MSH4: variants seen among roughly 807,000 people sequenced by gnomAD.
MSH4 encodes mutS homolog 4.
In MSH4, 106 loss-of-function variants were observed where a neutral mutation model predicts 113.7. That is an observed-to-expected ratio of 0.93 (90% confidence interval 0.80 to 1.10). The LOEUF is 1.10. MSH4 is among the 50% of genes least tolerant of loss of function. MSH4 has a pLI of 0.00. For synonymous variants in MSH4, 368 were observed against 380.2 expected (o/e 0.97, Z 0.37); for missense variants, 1,061 against 1,093.7 (o/e 0.97, Z 0.42).
rs557609352 is a variant in MSH4, at chr1:75,807,009, C to T, written c.456C>T (p.His152=). Residue 152 remains histidine, a synonymous_variant, in exon 3 of 20, where the codon CAC becomes CAT. Transcript: ENST00000263187. ...SASSSSAISA[H]SPSVIVAVVE... ...CATCCTCATCTGCGATTTCTGCACACTCCCCATCAGTTATTGTAGCTGTTG... is the reference window on the plus strand; with the variant it reads ...CATCCTCATCTGCGATTTCTGCACATTCCCCATCAGTTATTGTAGCTGTTG... 50 of 1,584,156 alleles carry T rather than the reference C, an allele frequency of 3.2e-5. No homozygotes were observed. The South Asian group carries it at 5.6e-4, about 18-fold the overall frequency.
intron 8 of MSH4, among the ~76,000 whole-genome samples, chr1:75,860,850 A>G (rs972574039): frequency 1.3e-5 from 2 of 152,160 alleles, no homozygotes; most frequent in African/African-American, 4.8e-5. Context: ...AATATCCTGA[A>G]GAGTGTTTTC....
rs537481024 is a variant in MSH4 at position 75,859,919 on chromosome 1, A to G, written c.1231-7595A>G. ...CTAAGTCTCTTTGTAGATCTCTAAGAACTTGCTTTATGAATCTGGGTGCTC... is the reference window on the plus strand; with the variant it reads ...CTAAGTCTCTTTGTAGATCTCTAAGGACTTGCTTTATGAATCTGGGTGCTC... On this transcript the variant is annotated intron_variant, in intron 8 of 19. Coordinates refer to ENST00000263187, the MANE Select transcript of MSH4 (RefSeq NM_002440.4). Among the ~76,000 whole-genome samples, 11 of 151,546 alleles carry G rather than the reference A, an allele frequency of 7.3e-5. No individual in the cohort carries two copies. In the East Asian group the frequency reaches 9.7e-4, roughly 13 times the overall value.
At chr1:75,806,627 A>T (rs1650074025) in intron 2 of MSH4, among the ~76,000 whole-genome samples, 1 of 152,082 alleles carries the variant, frequency 6.6e-6, no homozygotes, top group African/African-American at 2.4e-5. Context: ...ATATCACACC[A>T]TCTTTAGCTT....
chr1:75,878,646 C>T (rs899128623), intron 11 of MSH4, among the ~76,000 whole-genome samples: 3 of 151,802 alleles, frequency 2.0e-5, no homozygotes, highest in Admixed American at 6.6e-5. Context: ...AGAGACAAGA[C>T]GTTGTCTCTA....
intron 19 of MSH4, among the ~76,000 whole-genome samples, chr1:75,906,826 T>C (rs972360220): frequency 1.9e-4 from 28 of 149,186 alleles, no homozygotes; most frequent in African/African-American, 6.7e-4. Flanking sequence ...TTCATAAACG[T>C]GTCTTTTTTT....
intron 4 of MSH4, among the ~76,000 whole-genome samples, chr1:75,811,087 GT>G (rs1431973953): frequency 6.6e-6 from 1 of 152,190 alleles, no homozygotes; most frequent in African/African-American, 2.4e-5. Flanking sequence ...GGCCAGGCTA[GT>G]TTCAAACTCC....
intron 7 of MSH4, among the ~76,000 whole-genome samples, chr1:75,841,429 T>C (rs942870390): frequency 6.6e-6 from 1 of 152,046 alleles, no homozygotes; most frequent in South Asian, 2.1e-4. Context: ...AACTCCTGAC[T>C]TCAAGCAATC....
chr1:75,852,790 C>T (rs895841578), intron 8 of MSH4, among the ~76,000 whole-genome samples: 4 of 152,010 alleles, frequency 2.6e-5, no homozygotes, highest in Admixed American at 1.3e-4. Flanking sequence ...ATATGATTTG[C>T]AGATATTTTC....
At chr1:75,888,153 C>T (rs964426198) in intron 15 of MSH4, among the ~76,000 whole-genome samples, 6 of 151,088 alleles carry the variant, frequency 4.0e-5, no homozygotes, top group Non-Finnish European at 8.8e-5. Context: ...CTTGCTACTC[C>T]TTATTCCTCA....
chr1:75,803,394 A>G (rs970078603), intron 1 of MSH4, among the ~76,000 whole-genome samples: 2 of 152,062 alleles, frequency 1.3e-5, no homozygotes, highest in Non-Finnish European at 2.9e-5. Context: ...CGAGGCAGGC[A>G]GATCATGAGG....
chr1:75,896,597 T>C (rs1269269472), intron 17 of MSH4, among the ~76,000 whole-genome samples: 2 of 151,964 alleles, frequency 1.3e-5, no homozygotes, highest in Non-Finnish European at 2.9e-5. Context: ...TAAAATAGTG[T>C]TTTTAGTATT....
At chr1:75,830,751 T>C (rs1650666024) in intron 7 of MSH4, among the ~76,000 whole-genome samples, 1 of 152,140 alleles carries the variant, frequency 6.6e-6, no homozygotes, top group African/African-American at 2.4e-5. Flanking sequence ...AGAGATTCTG[T>C]CACCACCAGG....
chr1:75,912,096 A>G (rs572708671), intron 19 of MSH4, among the ~76,000 whole-genome samples: 1 of 152,120 alleles, frequency 6.6e-6, no homozygotes, highest in East Asian at 1.9e-4. Flanking sequence ...TTAAATAGCT[A>G]TTCATATTAT....
At chr1:75,826,560 C>T (rs922488488) in intron 7 of MSH4, among the ~76,000 whole-genome samples, 1 of 152,004 alleles carries the variant, frequency 6.6e-6, no homozygotes, top group African/African-American at 2.4e-5. Context: ...GTTAGGGTGT[C>T]GATTTGAGAT....
intron 9 of MSH4, among the ~76,000 whole-genome samples, chr1:75,870,192 C>T (rs1278832511): frequency 6.6e-6 from 1 of 152,184 alleles, no homozygotes; most frequent in African/African-American, 2.4e-5. Context: ...CCATTTTGGC[C>T]ATTTTCTCCC....
At chr1:75,912,673 T>G in intron 19 of MSH4, 23 bp from the exon 20 acceptor site, 1 of 609,962 alleles carries the variant, frequency 1.6e-6, no homozygotes, top group Non-Finnish European at 2.2e-6. Flanking sequence ...TATATATATA[T>G]ATTTTTTTTT....
chr1:75,837,667 C>T (rs1244546289), intron 7 of MSH4, among the ~76,000 whole-genome samples: 3 of 152,142 alleles, frequency 2.0e-5, no homozygotes, highest in Admixed American at 6.5e-5. Context: ...GGATTACAGG[C>T]GTGAACCACT....
intron 8 of MSH4, among the ~76,000 whole-genome samples, chr1:75,850,888 T>C (rs1335002147): frequency 1.3e-5 from 2 of 152,184 alleles, no homozygotes; most frequent in Non-Finnish European, 2.9e-5. Context: ...ACATTTAAGA[T>C]TGCTATATCC....
intron 15 of MSH4, among the ~76,000 whole-genome samples, chr1:75,884,551 G>C (rs2100575261): frequency 6.6e-6 from 1 of 152,046 alleles, no homozygotes; most frequent in Non-Finnish European, 1.5e-5. Context: ...CAGCTGAGGG[G>C]AGTGTAGAGT....
Sources: gnomAD v4.1 joint callset for allele counts (sites outside exome capture counted in the v4.1 genomes callset) on GRCh38, gnomAD v4.1.1 for gene constraint, MANE v1.5 for transcripts, NCBI Gene and HGNC (gene_info 2026-07-23, HGNC 2026-07-21) for gene names.